The following ALK variants were observed in gnomAD, a reference collection of about 807,000 sequenced individuals.
The protein encoded by ALK is ALK tyrosine kinase receptor.
In ALK, 74 loss-of-function variants were observed where a neutral mutation model predicts 163.1. That is an observed-to-expected ratio of 0.45 (90% confidence interval 0.38 to 0.55). The LOEUF (loss-of-function observed/expected upper bound fraction) is 0.55, where lower values mean the gene tolerates loss of function less well. Ranked by LOEUF, ALK falls within the 20% of genes least tolerant of loss-of-function variation. The pLI is 0.00. For missense variants in ALK, 2,063 were observed against 2,105.3 expected, an observed-to-expected ratio of 0.98 and a Z score of 0.39; for synonymous variants, 960 against 843.2, an observed-to-expected ratio of 1.14 and a Z score of -2.40.
chr2:29,773,427 A>T (rs1416738988), intron 1 of ALK, among the ~76,000 whole-genome samples: 1 of 152,124 alleles, frequency 6.6e-6, no homozygotes, highest in Non-Finnish European at 1.5e-5. Context: ...TCCCCTCTTT[A>T]CTTGTTGCTA....
At chr2:29,251,383 T>A (rs949860328) in intron 11 of ALK, 116 bp from the exon 12 acceptor site, 1 of 1,083,238 alleles carries the variant, frequency 9.2e-7, no homozygotes, top group African/African-American at 1.6e-5. Flanking sequence ...CCATCCAAGA[T>A]GGCACCAAGG....
intron 4 of ALK, among the ~76,000 whole-genome samples, chr2:29,515,534 T>A (rs1186700143): frequency 6.6e-6 from 1 of 151,844 alleles, no homozygotes; most frequent in Non-Finnish European, 1.5e-5. Context: ...GTAGGGGTGA[T>A]CCATGGGGTA....
chr2:29,231,767 G>T (rs115399774), intron 15 of ALK, among the ~76,000 whole-genome samples: 1,911 of 152,284 alleles, frequency 0.013, 46 homozygotes, highest in African/African-American at 0.044. Context: ...AGGAATCAGG[G>T]AATTGACACT....
chr2:29,365,801 G>T (rs1226503233), intron 5 of ALK, among the ~76,000 whole-genome samples: 1 of 152,084 alleles, frequency 6.6e-6, no homozygotes, highest in Non-Finnish European at 1.5e-5. Flanking sequence ...CTTTATAAAA[G>T]GGCACTGATA....
chr2:29,232,521 A>G, intron 14 of ALK, 73 bp from the exon 15 acceptor site: 1 of 1,598,110 alleles, frequency 6.3e-7, no homozygotes, highest in Non-Finnish European at 8.5e-7. Flanking sequence ...GCTCTGGTAA[A>G]TTCAACCTGA....
intron 3 of ALK, among the ~76,000 whole-genome samples, chr2:29,594,752 C>G (rs1243584461): frequency 6.6e-6 from 1 of 151,830 alleles, no homozygotes; most frequent in Non-Finnish European, 1.5e-5. Context: ...TTTGAAGAGC[C>G]AGTTGTTAAA....
chr2:29,659,128 T>G (rs1438436342), intron 3 of ALK, among the ~76,000 whole-genome samples: 1 of 152,136 alleles, frequency 6.6e-6, no homozygotes, highest in Non-Finnish European at 1.5e-5. Flanking sequence ...CCTCTCCTCC[T>G]GCCTCTCCCA....
At chr2:29,717,926 G>A (rs1364156872) in intron 1 of ALK, among the ~76,000 whole-genome samples, 1 of 152,196 alleles carries the variant, frequency 6.6e-6, no homozygotes, top group Non-Finnish European at 1.5e-5. Flanking sequence ...TCTGACCAAG[G>A]CCATGCTGAG....
At chr2:29,209,736 G>T (rs2148154828) in intron 25 of ALK, 50 bp downstream of exon 25, 1 of 1,382,486 alleles carries the variant, frequency 7.2e-7, no homozygotes, top group Non-Finnish European at 1.0e-6. Context: ...ATTCTTGAGG[G>T]GCTGAGGTGG....
At chr2:29,682,465 A>G (rs1678105068) in intron 3 of ALK, among the ~76,000 whole-genome samples, 1 of 152,124 alleles carries the variant, frequency 6.6e-6, no homozygotes, top group African/African-American at 2.4e-5. Flanking sequence ...GACATGGGAG[A>G]GATAGCAGTG....
chr2:29,214,318 C>T (rs999961771), intron 23 of ALK, among the ~76,000 whole-genome samples: 1 of 152,164 alleles, frequency 6.6e-6, no homozygotes, highest in Non-Finnish European at 1.5e-5. Flanking sequence ...TTGAAGTCTT[C>T]CCAGGTAATA....
intron 1 of ALK, among the ~76,000 whole-genome samples, chr2:29,858,121 G>A (rs983397608): frequency 6.6e-6 from 1 of 152,026 alleles, no homozygotes; most frequent in African/African-American, 2.4e-5. Flanking sequence ...ACACGCATTA[G>A]TTTCTGTATC....
At chr2:29,399,565 G>A (rs576208927) in intron 4 of ALK, among the ~76,000 whole-genome samples, 5 of 152,216 alleles carry the variant, frequency 3.3e-5, no homozygotes, top group Non-Finnish European at 7.3e-5. Flanking sequence ...GCTTGGGCTT[G>A]GGATTGGGAT....
chr2:29,712,963 G>A (rs1472870655), intron 2 of ALK, among the ~76,000 whole-genome samples: 1 of 152,114 alleles, frequency 6.6e-6, no homozygotes, highest in East Asian at 1.9e-4. Flanking sequence ...TCAACTGGGT[G>A]GCTTAAAATA....
chr2:29,657,761 A>G (rs1677227473), intron 3 of ALK, among the ~76,000 whole-genome samples: 1 of 152,118 alleles, frequency 6.6e-6, no homozygotes, highest in Non-Finnish European at 1.5e-5. Flanking sequence ...GGAGACAATG[A>G]TTTGTTGTCT....
At chr2:29,467,076 T>C (rs1671230972) in intron 4 of ALK, among the ~76,000 whole-genome samples, 2 of 152,134 alleles carry the variant, frequency 1.3e-5, no homozygotes, top group Admixed American at 1.3e-4. Flanking sequence ...CCCATTCACC[T>C]CACATACAAT....
At chr2:29,598,068 C>T (rs890725283) in intron 3 of ALK, among the ~76,000 whole-genome samples, 7 of 152,218 alleles carry the variant, frequency 4.6e-5, no homozygotes. Flanking sequence ...CACTCGGTCA[C>T]CCAGACTGGA....
chr2:29,343,485 G>A (rs1378256296), intron 5 of ALK, among the ~76,000 whole-genome samples: 1 of 152,132 alleles, frequency 6.6e-6, no homozygotes, highest in East Asian at 1.9e-4. Flanking sequence ...AAAGTGTTGA[G>A]ATGATAGGCA....
intron 3 of ALK, among the ~76,000 whole-genome samples, chr2:29,667,802 G>A (rs1213329072): frequency 6.6e-6 from 1 of 151,998 alleles, no homozygotes; most frequent in Non-Finnish European, 1.5e-5. Context: ...TGACCTCATA[G>A]AATAAATGTG....
Sources: gnomAD v4.1 joint callset for allele counts (sites outside exome capture counted in the v4.1 genomes callset) on GRCh38, gnomAD v4.1.1 for gene constraint, MANE v1.5 for transcripts, NCBI Gene and HGNC (gene_info 2026-07-23, HGNC 2026-07-21) for gene names.